MIPOL1: variants seen among roughly 807,000 people sequenced by gnomAD.
The protein encoded by MIPOL1 is mirror-image polydactyly gene 1 protein.
In MIPOL1, 57 loss-of-function variants were observed where a neutral mutation model predicts 60.9. That is an observed-to-expected ratio of 0.94 (90% confidence interval 0.76 to 1.17). MIPOL1 has a LOEUF of 1.17. MIPOL1 is among the 50% of genes most tolerant of loss of function. The pLI is 0.00. For synonymous variants in MIPOL1, 179 were observed against 168.8 expected, an observed-to-expected ratio of 1.06 and a Z score of -0.47; for missense variants, 551 against 511.6, an observed-to-expected ratio of 1.08 and a Z score of -0.74.
At chr14:37,502,938 G>A (rs1416637634) in intron 12 of MIPOL1, 1 of 152,184 alleles carries the variant, frequency 6.6e-6, no homozygotes, top group Non-Finnish European at 1.5e-5. Flanking sequence ...ATGACCTGAT[G>A]GAGATGAAAA....
intron 9 of MIPOL1, among the ~76,000 whole-genome samples, chr14:37,312,881 C>T (rs2087480610): frequency 6.6e-6 from 1 of 152,078 alleles, no homozygotes; most frequent in Non-Finnish European, 1.5e-5. Context: ...CTGTAAACTT[C>T]CATTTCTTCA....
intron 11 of MIPOL1, among the ~76,000 whole-genome samples, chr14:37,433,973 A>G (rs2094121111): frequency 6.6e-6 from 1 of 152,204 alleles, no homozygotes; most frequent in African/African-American, 2.4e-5. Flanking sequence ...TCCTATTGTG[A>G]ATAGTGCCGC....
At chr14:37,477,003 C>T (rs575784175) in intron 11 of MIPOL1, among the ~76,000 whole-genome samples, 1 of 150,064 alleles carries the variant, frequency 6.7e-6, no homozygotes, top group Non-Finnish European at 1.5e-5. Flanking sequence ...CAGGTTCCAG[C>T]AATTCTCCTG....
At chr14:37,322,857 T>A (rs1170700891) in intron 9 of MIPOL1, among the ~76,000 whole-genome samples, 6 of 152,172 alleles carry the variant, frequency 3.9e-5, no homozygotes, top group African/African-American at 1.4e-4. Context: ...TTTAAGTTCC[T>A]TGTAGATTCT....
chr14:37,398,373 G>T lies in MIPOL1; in HGVS notation c.937-24482G>T, dbSNP rs377686717. On this transcript the variant is annotated intron_variant, in intron 10 of 12. Coordinates refer to ENST00000684589, the MANE Select transcript of MIPOL1 (RefSeq NM_001388067.1). ...ACTCTACTTCCTTCACAGGGTCTGT[G>T]GGTCCTCTTAGGATTCCTGGTTTGT... 4.6e-5 allele frequency among the ~76,000 whole-genome samples: 7 copies of T among 152,236 alleles called. No individual in the cohort carries two copies. The East Asian group carries it at 1.2e-3, about 25-fold the overall frequency.
chr14:37,522,831 C>T (rs781648769), intron 12 of MIPOL1, among the ~76,000 whole-genome samples: 2 of 151,862 alleles, frequency 1.3e-5, no homozygotes, highest in Non-Finnish European at 2.9e-5. Context: ...TGTTTGCATC[C>T]TAGGAATACA....
intron 3 of MIPOL1, among the ~76,000 whole-genome samples, chr14:37,259,958 C>T (rs1464833968): frequency 6.6e-6 from 1 of 152,092 alleles, no homozygotes; most frequent in Non-Finnish European, 1.5e-5. Flanking sequence ...CTCCCTCATT[C>T]TTTGTCATTT....
chr14:37,455,542 T>G (rs1372436170), intron 11 of MIPOL1, among the ~76,000 whole-genome samples: 1 of 152,194 alleles, frequency 6.6e-6, no homozygotes. Context: ...TTTAGTTATC[T>G]GTATACTGTT....
intron 11 of MIPOL1, among the ~76,000 whole-genome samples, chr14:37,431,569 CTTTTTTTTTT>C (rs869258490): frequency 5.6e-4 from 36 of 64,852 alleles, no homozygotes; most frequent in Non-Finnish European, 8.0e-4. Context: ...ATCTCTGTTT[CTTTTTTTTTT>C]TTTTTTTTTT....
At chr14:37,304,740 T>C (rs2086640910) in intron 7 of MIPOL1, among the ~76,000 whole-genome samples, 1 of 151,840 alleles carries the variant, frequency 6.6e-6, no homozygotes, top group Non-Finnish European at 1.5e-5. Flanking sequence ...CACGCATGGA[T>C]CTTTTCACTT....
chr14:37,522,811 A>G (rs1361012980), intron 12 of MIPOL1, among the ~76,000 whole-genome samples: 1 of 152,118 alleles, frequency 6.6e-6, no homozygotes, highest in East Asian at 1.9e-4. Context: ...GAATAGTAAA[A>G]TAATAAAAAT....
At chr14:37,232,756 G>T (rs1970837296) in intron 1 of MIPOL1, among the ~76,000 whole-genome samples, 1 of 151,994 alleles carries the variant, frequency 6.6e-6, no homozygotes, top group African/African-American at 2.4e-5. Context: ...ATGTCAGTTG[G>T]GGCCTTTAAA....
intron 1 of MIPOL1, among the ~76,000 whole-genome samples, chr14:37,238,747 C>T (rs1241585579): frequency 7.0e-6 from 1 of 142,198 alleles, no homozygotes; most frequent in African/African-American, 2.6e-5. Flanking sequence ...CCTAGGAGTT[C>T]AAGACCAGTC....
At chr14:37,298,402 A>G (rs1244500988) in intron 7 of MIPOL1, among the ~76,000 whole-genome samples, 2 of 152,250 alleles carry the variant, frequency 1.3e-5, no homozygotes. Flanking sequence ...CAAGGACTTC[A>G]TGTTTAAAAC....
At chr14:37,290,781 GT>G (rs1212320250) in intron 7 of MIPOL1, among the ~76,000 whole-genome samples, 3 of 152,010 alleles carry the variant, frequency 2.0e-5, no homozygotes, top group Admixed American at 1.3e-4. Context: ...GGGTTGTGGG[GT>G]TTTTTTGTAC....
chr14:37,490,833 A>G (rs759153316), intron 11 of MIPOL1, among the ~76,000 whole-genome samples: 2 of 152,180 alleles, frequency 1.3e-5, no homozygotes, highest in Non-Finnish European at 2.9e-5. Flanking sequence ...TAGGAAATGC[A>G]GAAATCACCT....
rs530188625 is a variant in MIPOL1, at chr14:37,427,154, A to G, written c.1031+4205A>G. 3.7e-4 allele frequency among the ~76,000 whole-genome samples: 57 copies of G among 152,206 alleles called. 1 individual carries two copies. Among genetic ancestry groups the G allele is most frequent in the Non-Finnish European group, 6.8e-4 (46 of 68,032 alleles). Reference sequence around the variant, plus strand: ...TGTTCATATTAACCAAAAGGTGGAAACCACCCAAGTGTCCCTCAGCAGATG... The same window carrying G: ...TGTTCATATTAACCAAAAGGTGGAAGCCACCCAAGTGTCCCTCAGCAGATG... On this transcript the variant is annotated intron_variant, in intron 11 of 12. Coordinates refer to ENST00000684589, the MANE Select transcript of MIPOL1 (RefSeq NM_001388067.1).
chr14:37,227,606 A>G (rs1269311631), intron 1 of MIPOL1: 2 of 152,100 alleles, frequency 1.3e-5, no homozygotes, highest in Admixed American at 1.3e-4. Context: ...GCAACAAGGA[A>G]CTCCTTTAGT....
intron 9 of MIPOL1, among the ~76,000 whole-genome samples, chr14:37,364,534 TG>T (rs1377919053): frequency 2.6e-5 from 4 of 152,200 alleles, no homozygotes; most frequent in African/African-American, 9.6e-5. Flanking sequence ...ATTAGTTCAC[TG>T]TAGGTGTGTA....
Sources: allele counts gnomAD v4.1 joint callset (sites outside exome capture counted in the v4.1 genomes callset), GRCh38; gene constraint gnomAD v4.1.1; transcripts MANE v1.5; gene names NCBI Gene and HGNC (gene_info 2026-07-23, HGNC 2026-07-21).